REV3L: variants seen among roughly 807,000 people sequenced by gnomAD.
REV3L encodes DNA polymerase zeta catalytic subunit.
In REV3L, 69 loss-of-function variants were observed where a neutral mutation model predicts 299.4. That is an observed-to-expected ratio of 0.23 (90% CI 0.19 to 0.28). The LOEUF is 0.28. REV3L is among the 10% of genes least tolerant of loss of function. The probability of loss-of-function intolerance (pLI) is 1.00; values close to 1 mark genes in which losing one functional copy is unlikely to be tolerated. For missense variants in REV3L, 3,128 were observed against 3,693.8 expected, an observed-to-expected ratio of 0.85 and a Z score of 3.97; for synonymous variants, 1,238 against 1,271.4, an observed-to-expected ratio of 0.97 and a Z score of 0.56.
At chr6:111,401,492 A>T (rs1023202032) in intron 4 of REV3L, among the ~76,000 whole-genome samples, 1 of 152,376 alleles carries the variant, frequency 6.6e-6, no homozygotes, top group African/African-American at 2.4e-5. Context: ...TACAGAGAAG[A>T]TAAGAAAAAC....
In REV3L at chr6:111,329,579, A is replaced by G. The variant is rs1775183716; in HGVS notation, c.8194T>C (p.Phe2732Leu). 6.2e-7 allele frequency: 1 copy of G among 1,614,016 alleles called. No homozygotes were observed. The highest frequency in any genetic ancestry group is 1.7e-5 in the Admixed American group (1 of 59,996). The change falls in exon 25 of 32, where the codon TTT (phenylalanine) becomes CTT (leucine). Residue 2732 changes from phenylalanine (F) to leucine (L), a missense_variant. This residue lies in a region of REV3L where 53 missense variants were observed against 57.4 expected (regional missense o/e 0.92). Coordinates refer to ENST00000368802, the MANE Select transcript of REV3L (RefSeq NM_001372078.1). ...GAAAAATTAGCAGATGTATAGCCAA[A>G]TGTGACATTTGCTATCAGCTTAAGT... ...LGLKLIANVT[F>L]GYTSANFSGR...
At chr6:111,408,557 T>C (rs991034946) in intron 3 of REV3L, among the ~76,000 whole-genome samples, 1 of 152,120 alleles carries the variant, frequency 6.6e-6, no homozygotes, top group South Asian at 2.1e-4. Context: ...TGAGCCGACA[T>C]GGTGCCACTG....
chr6:111,325,872 C>A (rs1210234368), intron 25 of REV3L, among the ~76,000 whole-genome samples: 1 of 152,150 alleles, frequency 6.6e-6, no homozygotes, highest in Admixed American at 6.5e-5. Flanking sequence ...ATATTTTATT[C>A]ATTCTAATTG....
chr6:111,441,405 C>A (rs1340668823), intron 1 of REV3L, among the ~76,000 whole-genome samples: 2 of 152,002 alleles, frequency 1.3e-5, no homozygotes, highest in Non-Finnish European at 2.9e-5. Flanking sequence ...AGCACATATG[C>A]CACCACACCC....
At chr6:111,441,556 T>C (rs903796856) in intron 1 of REV3L, among the ~76,000 whole-genome samples, 1 of 152,176 alleles carries the variant, frequency 6.6e-6, no homozygotes, top group African/African-American at 2.4e-5. Context: ...CAGCCACTCA[T>C]CTGTTCTTGT....
At chr6:111,381,533 C>A in intron 9 of REV3L, 89 bp from the exon 10 acceptor site, 1 of 1,055,632 alleles carries the variant, frequency 9.5e-7, no homozygotes, top group Non-Finnish European at 1.4e-6. Flanking sequence ...GGAAGCATTA[C>A]CATATAAACC....
intron 16 of REV3L, among the ~76,000 whole-genome samples, chr6:111,362,418 A>C (rs754851702): frequency 1.8e-4 from 27 of 152,214 alleles, no homozygotes; most frequent in Non-Finnish European, 3.7e-4. Flanking sequence ...TTAAAAATTG[A>C]ATTATAACTT....
chr6:111,378,053 T>C (rs540949430), intron 11 of REV3L, among the ~76,000 whole-genome samples: 2 of 152,250 alleles, frequency 1.3e-5, no homozygotes, highest in Non-Finnish European at 2.9e-5. Flanking sequence ...CATGTCTTAC[T>C]ATAGTAACTT....
At chr6:111,387,306 T>A (rs1442615786) in intron 9 of REV3L, among the ~76,000 whole-genome samples, 1 of 152,200 alleles carries the variant, frequency 6.6e-6, no homozygotes, top group Non-Finnish European at 1.5e-5. Flanking sequence ...CAAGGGATCC[T>A]GTGGACTGAT....
chr6:111,459,296 G>A (rs1790492620), intron 1 of REV3L, among the ~76,000 whole-genome samples: 1 of 152,128 alleles, frequency 6.6e-6, no homozygotes. Flanking sequence ...ATGGATTAAA[G>A]ACATAACTGT....
intron 1 of REV3L, among the ~76,000 whole-genome samples, chr6:111,478,012 G>A (rs1228489892): frequency 6.6e-6 from 1 of 151,972 alleles, no homozygotes; most frequent in African/African-American, 2.4e-5. Context: ...AGAATTACTG[G>A]GTCAAAAAAG....
chr6:111,349,008 GAAA>G (rs35782472), intron 20 of REV3L: 3 of 300,062 alleles, frequency 1.0e-5, no homozygotes, highest in East Asian at 5.8e-5. Context: ...TTAGACACAA[GAAA>G]AAAAAAAAAA....
intron 1 of REV3L, among the ~76,000 whole-genome samples, chr6:111,475,608 T>C (rs1458341186): frequency 2.0e-5 from 3 of 152,156 alleles, no homozygotes; most frequent in African/African-American, 4.8e-5. Context: ...ATAAATAAAG[T>C]TGTACATTTT....
intron 1 of REV3L, among the ~76,000 whole-genome samples, chr6:111,439,760 C>T (rs1036097795): frequency 1.3e-5 from 2 of 152,160 alleles, no homozygotes; most frequent in Non-Finnish European, 2.9e-5. Flanking sequence ...GTTTGACCCA[C>T]TACAGCTTTC....
intron 4 of REV3L, among the ~76,000 whole-genome samples, chr6:111,394,299 T>C (rs1386266733): frequency 6.6e-6 from 1 of 152,120 alleles, no homozygotes; most frequent in Non-Finnish European, 1.5e-5. Flanking sequence ...CTCACCAGCA[T>C]TTGTTGGTGT....
chr6:111,331,710 A>G lies in REV3L; in HGVS notation c.8000T>C (p.Ile2667Thr). ...PDLLYQVRHD[I>T]TVSPNGVAFV... ...AGCTACTCCATTGGGGGACACTGTG[A>G]TATCATGCCTAACTTGGTAAAGTAA... Residue 2667 changes from isoleucine (I) to threonine (T), a missense_variant, in exon 24 of 32, where the codon ATC (isoleucine) becomes ACC (threonine). This residue lies in a region of REV3L where 149 missense variants were observed against 286.4 expected (regional missense o/e 0.52). Transcript: ENST00000368802. The G allele has an allele frequency of 2.5e-6, 4 of 1,613,318 alleles. No individual in the cohort carries two copies. Among genetic ancestry groups the G allele is most frequent in the Non-Finnish European group, 3.4e-6 (4 of 1,179,524 alleles).
rs904563682 is a variant in REV3L at position 111,376,244 on chromosome 6, T to C, written c.2111A>G (p.Lys704Arg). ...TAAGTCAGAAAAGTTGAAAGAATTT[T>C]TGCCCAATGTATTCTCGTTAGGGTG... is the stretch of plus-strand genomic sequence containing the variant. ...HRHPNENTLG[K>R]NSFNFSDLNH... The change falls in exon 13 of 32, where the codon AAA becomes AGA. Residue 704 changes from lysine to arginine, a missense_variant. Coordinates refer to ENST00000368802, the MANE Select transcript of REV3L (RefSeq NM_001372078.1). The C allele has an allele frequency of 4.3e-6, 7 of 1,613,732 alleles. No individual in the cohort carries two copies. Among genetic ancestry groups the C allele is most frequent in the Non-Finnish European group, 5.9e-6 (7 of 1,179,918 alleles).
chr6:111,465,767 CTTTG>C, intron 1 of REV3L, among the ~76,000 whole-genome samples: 1 of 45,468 alleles, frequency 2.2e-5, no homozygotes, highest in Middle Eastern at 0.015. Context: ...AAAAAAAAAA[CTTTG>C]TTTAAAATCT....
rs544817825 is a variant in REV3L at position 111,375,166 on chromosome 6, T to C, written c.3189A>G (p.Gln1063=). 1.9e-6 allele frequency: 3 copies of C among 1,609,476 alleles called. No homozygotes were observed. In the South Asian group the frequency reaches 3.4e-5, roughly 18 times the overall value. The change falls in exon 13 of 32, where the codon CAA becomes CAG. Residue 1063 remains glutamine (Q), a synonymous_variant. Transcript: ENST00000368802. ...TTTTAATATTTTCATTATTTGTCCT[T>C]TGTTGTTTACCAGTTTTTTTCTTAG... ...KSAKKKTGKQ[Q]RTNNENIKRT... is the part of the protein sequence containing the mutation.
Sources: gnomAD v4.1 joint callset for allele counts (sites outside exome capture counted in the v4.1 genomes callset) on GRCh38, gnomAD v4.1.1 for gene constraint, gnomAD v4.1.1 regional missense constraint, MANE v1.5 for transcripts, NCBI Gene and HGNC (gene_info 2026-07-23, HGNC 2026-07-21) for gene names.